The following PRDM11 variants were observed in gnomAD, a reference collection of about 807,000 sequenced individuals.
PRDM11 encodes PR domain-containing protein 11.
In PRDM11, 20 loss-of-function variants were observed where a neutral mutation model predicts 97.8. The ratio of observed to expected loss-of-function variants is 0.20; its 90% confidence interval spans 0.14 to 0.30. The LOEUF (loss-of-function observed/expected upper bound fraction) is 0.30, where lower values mean the gene tolerates loss of function less well. PRDM11 is among the 10% of genes least tolerant of loss of function. The pLI, the probability that PRDM11 is intolerant of heterozygous loss-of-function variation, is 1.00. For synonymous variants in PRDM11, 599 were observed against 637.7 expected (o/e 0.94, Z 0.91); for missense variants, 1,139 against 1,555.2 (o/e 0.73, Z 4.50).
intron 4 of PRDM11, among the ~76,000 whole-genome samples, chr11:45,202,589 A>G (rs1250445915): frequency 6.6e-6 from 1 of 152,180 alleles, no homozygotes; most frequent in Non-Finnish European, 1.5e-5. Context: ...ACAGTCCTGT[A>G]TGTTGCTCTT....
chr11:45,138,193 A>G (rs180803398), intron 1 of PRDM11, among the ~76,000 whole-genome samples: 2 of 152,190 alleles, frequency 1.3e-5, no homozygotes, highest in African/African-American at 4.8e-5. Context: ...GGGGGGAAAA[A>G]CTTGAAGAAG....
At chr11:45,117,058 T>C (rs1436554430) in intron 1 of PRDM11, among the ~76,000 whole-genome samples, 3 of 151,974 alleles carry the variant, frequency 2.0e-5, no homozygotes, top group African/African-American at 4.8e-5. Context: ...ACCCTGTCTC[T>C]ACTAAAAATA....
chr11:45,229,785 T>C lies in PRDM11; in HGVS notation c.*1626T>C, dbSNP rs1481199278. ...GGGAGGGAGGAAGATCTGAATTATATACATGTGGTCAGTTCTGCTGAGAGC... is the reference window on the plus strand; with the variant it reads ...GGGAGGGAGGAAGATCTGAATTATACACATGTGGTCAGTTCTGCTGAGAGC... On this transcript the variant is annotated 3_prime_UTR_variant, in exon 8 of 8. Transcript: ENST00000683152. The C allele has an allele frequency of 6.6e-6, 1 of 152,238 alleles. No individual in the cohort carries two copies. Among genetic ancestry groups the C allele is most frequent in the East Asian group, 1.9e-4 (1 of 5,200 alleles). The allele number at this position is 152,238 out of a possible 1,614,324, so 9.4% of individuals were successfully genotyped here.
chr11:45,220,342 TATC>T (rs1435950319), intron 6 of PRDM11, among the ~76,000 whole-genome samples: 1 of 152,210 alleles, frequency 6.6e-6, no homozygotes, highest in Non-Finnish European at 1.5e-5. Flanking sequence ...CCCATGTAAT[TATC>T]ATAGCAGCCA....
chr11:45,108,885 T>C (rs573820905), intron 1 of PRDM11, among the ~76,000 whole-genome samples: 1 of 152,370 alleles, frequency 6.6e-6, no homozygotes, highest in African/African-American at 2.4e-5. Flanking sequence ...TGAAATTTCT[T>C]TGAAGTCTTG....
intron 6 of PRDM11, among the ~76,000 whole-genome samples, chr11:45,220,196 C>T (rs1422039933): frequency 4.6e-5 from 7 of 152,254 alleles, no homozygotes; most frequent in Admixed American, 6.5e-5. Context: ...CCGTCAGAGG[C>T]CTGTTGGGTA....
intron 1 of PRDM11, among the ~76,000 whole-genome samples, chr11:45,100,130 T>C (rs1481264899): frequency 4.6e-5 from 7 of 152,244 alleles, no homozygotes; most frequent in African/African-American, 1.2e-4. Flanking sequence ...AATTACACTA[T>C]GTAATAAAGT....
chr11:45,101,567 A>AGAAGAAG lies in PRDM11; in HGVS notation c.96+5666_96+5667insGAAGAAG, dbSNP rs1554963214. ...CAACACTCTGTCTCAAAAAAAAAAA[A>AGAAGAAG]AAGAAGAAGAAGAAGAAGAAGAAGA... On this transcript the variant is annotated intron_variant, in intron 1 of 6. Coordinates refer to the PRDM11 transcript ENST00000530656. Among the ~76,000 whole-genome samples the AGAAGAAG allele has an allele frequency of 1.8e-3, 178 of 96,856 alleles. 15 individuals are homozygous for AGAAGAAG. The highest frequency in any genetic ancestry group is 7.7e-3 in the African/African-American group (158 of 20,542). 63.5% of individuals were successfully genotyped at this position (96,856 alleles called of 152,430 possible).
chr11:45,227,989 C>T lies in PRDM11; in HGVS notation c.3364C>T (p.Pro1122Ser). The T allele has an allele frequency of 6.5e-7, 1 of 1,533,780 alleles. No individual in the cohort carries two copies. Among genetic ancestry groups the T allele is most frequent in the African/African-American group, 1.4e-5 (1 of 73,008 alleles). The change falls in exon 8 of 8, where the codon CCG (proline) becomes TCG (serine). Residue 1122 changes from proline to serine, a missense_variant. By Grantham distance (74) the Pro-to-Ser change is moderately conservative (BLOSUM62 -1). This residue lies in a region of PRDM11 where 710 missense variants were observed against 1,044.9 expected (regional missense o/e 0.68). Transcript: ENST00000683152. The surrounding 1 kb of genome is among the most constrained non-coding windows in gnomAD (Gnocchi z 8.0). ...SDLLTIAVNG[P>S]PITNFDAKRA... Reference sequence around the variant, plus strand: ...CCTGTTGACAATCGCTGTAAACGGACCGCCAATCACCAACTTTGATGCCAA... The same window carrying T: ...CCTGTTGACAATCGCTGTAAACGGATCGCCAATCACCAACTTTGATGCCAA...
At chr11:45,209,216 G>A (rs1243210056) in intron 5 of PRDM11, 3 of 431,746 alleles carry the variant, frequency 6.9e-6, no homozygotes, top group South Asian at 4.9e-5. Flanking sequence ...GGGCCATCAA[G>A]TCGGCGCTGC....
At chr11:45,209,305 ACCAGTCCCCCCCGCCACCCAG>A in intron 5 of PRDM11, 2 of 356,964 alleles carry the variant, frequency 5.6e-6, no homozygotes, top group Non-Finnish European at 5.6e-6. Context: ...TGTGAGTATC[ACCAGTCCCCCCCGCCACCCAG>A]CCGGCTGCCT....
chr11:45,124,210 T>G (rs898782659), intron 1 of PRDM11, among the ~76,000 whole-genome samples: 54 of 152,308 alleles, frequency 3.5e-4, no homozygotes, highest in Non-Finnish European at 7.3e-4. Flanking sequence ...CCTGAGACTT[T>G]GCTGAAGTTG....
chr11:45,161,382 C>T (rs1296249268), intron 1 of PRDM11, among the ~76,000 whole-genome samples: 1 of 152,190 alleles, frequency 6.6e-6, no homozygotes. Flanking sequence ...AGGCTGCTGC[C>T]TGGGAATGCA....
chr11:45,210,624 C>T (rs1162413451), intron 5 of PRDM11, among the ~76,000 whole-genome samples: 1 of 152,192 alleles, frequency 6.6e-6, no homozygotes. Context: ...CCTTCCCGGG[C>T]CCCCTGCCAT....
At position 45,219,455 on chromosome 11, in the gene PRDM11, G is replaced by A. The variant is rs540870113; in HGVS notation, c.555-115G>A. Reference sequence around the variant, plus strand: ...AGCTGCTCTGCTGATGTTCACATGGGCCCACGTGCCTGTGGACTTCTAACC... The same window carrying A: ...AGCTGCTCTGCTGATGTTCACATGGACCCACGTGCCTGTGGACTTCTAACC... On this transcript the variant is annotated intron_variant, in intron 5 of 7. Transcript: ENST00000683152. This position sits in a 1 kb window ranked among gnomAD's most constrained non-coding sequence, Gnocchi z 4.2. The A allele has an allele frequency of 8.8e-6, 9 of 1,020,134 alleles. No homozygotes were observed. The African/African-American group carries it at 1.3e-4, about 15-fold the overall frequency. The allele number at this position is 1,020,134 out of a possible 1,614,324, so 63.2% of individuals were successfully genotyped here. A position where few individuals can be genotyped will look rare whatever the true frequency, so the allele number is the denominator to read the frequency against.
At chr11:45,095,409 A>C (rs914501925), upstream of PRDM11, among the ~76,000 whole-genome samples, 1 of 152,010 alleles carries the variant, frequency 6.6e-6, no homozygotes, top group Non-Finnish European at 1.5e-5. Context: ...TCTGCTCATC[A>C]TGTTGGGGAC....
intron 4 of PRDM11, among the ~76,000 whole-genome samples, chr11:45,202,854 A>G (rs1853377602): frequency 6.6e-6 from 1 of 152,126 alleles, no homozygotes; most frequent in South Asian, 2.1e-4. Context: ...TGCTTGAAAT[A>G]TTTCATGATT....
At chr11:45,144,675 C>T (rs1385381274), upstream of PRDM11, among the ~76,000 whole-genome samples, 1 of 152,210 alleles carries the variant, frequency 6.6e-6, no homozygotes, top group Non-Finnish European at 1.5e-5. Flanking sequence ...ACCCTGGGTA[C>T]GTTGACGCCT....
intron 1 of PRDM11, among the ~76,000 whole-genome samples, chr11:45,164,856 C>T (rs1852021810): frequency 6.6e-6 from 1 of 152,084 alleles, no homozygotes; most frequent in South Asian, 2.1e-4. Context: ...ATGCCAGAGC[C>T]AGCAGATCCT....
Sources: allele counts gnomAD v4.1 joint callset (sites outside exome capture counted in the v4.1 genomes callset), GRCh38; gene constraint gnomAD v4.1.1; regional missense constraint gnomAD v4.1.1; non-coding constraint Gnocchi (gnomAD v3.1); transcripts MANE v1.5; gene names NCBI Gene and HGNC (gene_info 2026-07-23, HGNC 2026-07-21).